CKAP2: variants seen among roughly 807,000 people sequenced by gnomAD.
CKAP2 encodes the protein cytoskeleton associated protein 2, also known as cytoskeleton-associated protein 2.
Under a neutral mutation model 58.4 loss-of-function variants are expected in CKAP2, and 46 were observed. The observed-to-expected ratio is 0.79, with a 90% CI of 0.62 to 1.01. CKAP2 has a LOEUF of 1.01. Among genes scored for constraint, CKAP2 ranks in the 50% least tolerant of loss-of-function variants. The pLI, the probability that CKAP2 is intolerant of heterozygous loss-of-function variation, is 0.00. For missense variants in CKAP2, 809 were observed against 796.4 expected (o/e 1.02, Z -0.19); for synonymous variants, 293 against 280.9 (o/e 1.04, Z -0.43).
At chr13:52,465,245 C>G (rs1280567913) in intron 5 of CKAP2, 50 bp from the exon 6 acceptor site, 3 of 1,504,680 alleles carry the variant, frequency 2.0e-6, no homozygotes, top group South Asian at 1.2e-5. Flanking sequence ...ATTATTGTTC[C>G]CACTTTGTAA....
chr13:52,456,414 A>C (rs987532237), intron 1 of CKAP2, 109 bp from the exon 2 acceptor site: 7 of 886,952 alleles, frequency 7.9e-6, no homozygotes, highest in Non-Finnish European at 8.8e-6. Context: ...ATGTGACCTC[A>C]GGTGGAACCA....
At chr13:52,458,996 C>T (rs908552299) in intron 2 of CKAP2, among the ~76,000 whole-genome samples, 3 of 152,102 alleles carry the variant, frequency 2.0e-5, no homozygotes, top group East Asian at 3.8e-4. Context: ...GTATAGATAT[C>T]CTAAGACTCA....
chr13:52,468,113 A>G (rs1046530734), intron 6 of CKAP2, among the ~76,000 whole-genome samples, 165 bp from the exon 7 acceptor site: 4 of 152,154 alleles, frequency 2.6e-5, no homozygotes, highest in African/African-American at 4.8e-5. Context: ...CCCAGCCAAG[A>G]CAGCCATTTT....
chr13:52,471,846 A>G (rs1352768050), intron 7 of CKAP2, among the ~76,000 whole-genome samples: 1 of 152,220 alleles, frequency 6.6e-6, no homozygotes, highest in Non-Finnish European at 1.5e-5. Context: ...AGACTATAAC[A>G]GTGGTCTTCA....
Position 52,460,982 on chromosome 13 carries a change from GT to G in CKAP2, c.231+9del. 1 of 1,613,412 alleles carries G rather than the reference GT, an allele frequency of 6.2e-7. No individual in the cohort carries two copies. The highest frequency in any genetic ancestry group is 8.5e-7 in the Non-Finnish European group (1 of 1,179,854). On this transcript the variant is annotated intron_variant, in intron 3 of 8. Transcript: ENST00000258607. Reference sequence around the variant, plus strand: ...AAACTTAAAACAAAAATGGTAAGATGTGGACATAGCACTCTTAAACTGTCCC... The same window carrying G: ...AAACTTAAAACAAAAATGGTAAGATGGGACATAGCACTCTTAAACTGTCCC...
chr13:52,462,316 TC>T, intron 4 of CKAP2, 46 bp from the exon 5 acceptor site: 1 of 1,520,398 alleles, frequency 6.6e-7, no homozygotes, highest in South Asian at 1.2e-5. Flanking sequence ...TTGACAGAGT[TC>T]TGTCAGCAAT....
Position 52,474,894 on chromosome 13 carries a change from G to C in CKAP2, c.1803-1G>C. On this transcript the variant is annotated splice_acceptor_variant, in intron 8 of 8. Transcript: ENST00000258607. LOFTEE classifies it high-confidence loss of function. ...CTCTGGAATATTGTTTTAATTTTCA[G>C]TGTGAAAAAAAAGGTGCAGTTTGAT... 6.2e-7 allele frequency: 1 copy of C among 1,606,644 alleles called. No homozygotes were observed. Among genetic ancestry groups the C allele is most frequent in the South Asian group, 1.1e-5 (1 of 90,466 alleles).
chr13:52,465,512 A>T (rs765047738), intron 6 of CKAP2, 47 bp downstream of exon 6: 9 of 1,510,662 alleles, frequency 6.0e-6, no homozygotes, highest in Non-Finnish European at 7.3e-6. Flanking sequence ...GTAGTAGACA[A>T]TTCGGAATTA....
chr13:52,471,775 T>G (rs546021541), intron 7 of CKAP2, among the ~76,000 whole-genome samples: 8 of 152,332 alleles, frequency 5.3e-5, no homozygotes, highest in Admixed American at 5.2e-4. Flanking sequence ...TCTTAAGATC[T>G]ATCTACTTCA....
chr13:52,472,907 G>T (rs1036671178), intron 7 of CKAP2, among the ~76,000 whole-genome samples: 3 of 152,132 alleles, frequency 2.0e-5, no homozygotes, highest in African/African-American at 7.2e-5. Flanking sequence ...GCTGGGTATG[G>T]TGGTACACAC....
chr13:52,462,274 C>G (rs1194777115), intron 4 of CKAP2, 89 bp from the exon 5 acceptor site: 3 of 1,201,966 alleles, frequency 2.5e-6, no homozygotes, highest in Non-Finnish European at 3.5e-6. Context: ...AGTAAGATTA[C>G]TTAAAAATAT....
chr13:52,458,771 C>T (rs545739585), intron 2 of CKAP2, among the ~76,000 whole-genome samples: 2 of 151,850 alleles, frequency 1.3e-5, no homozygotes, highest in East Asian at 3.9e-4. Flanking sequence ...GCAGAAGAAT[C>T]GCTTGAACCT....
In CKAP2 at chr13:52,465,289, T is replaced by G. The variant is rs766222016; in HGVS notation, c.1306-6T>G. Reference sequence around the variant, plus strand: ...ATATTACACACATTTTTTCTTGCTTTTTTAGGGATGTCCAAAAGAAGATAT... The same window carrying G: ...ATATTACACACATTTTTTCTTGCTTGTTTAGGGATGTCCAAAAGAAGATAT... On this transcript the variant is annotated splice_region_variant and splice_polypyrimidine_tract_variant and intron_variant, in intron 5 of 8. Transcript: ENST00000258607. 6.3e-7 allele frequency: 1 copy of G among 1,598,740 alleles called. No homozygotes were observed. Among genetic ancestry groups the G allele is most frequent in the Non-Finnish European group, 8.5e-7 (1 of 1,175,064 alleles).
chr13:52,468,382 CTG>C, intron 7 of CKAP2, 35 bp downstream of exon 7: 1 of 1,304,126 alleles, frequency 7.7e-7, no homozygotes, highest in Non-Finnish European at 1.1e-6. Flanking sequence ...TTCATGTGAA[CTG>C]TAGTTTTTTT....
At chr13:52,466,622 A>G (rs935881434) in intron 6 of CKAP2, among the ~76,000 whole-genome samples, 1 of 152,232 alleles carries the variant, frequency 6.6e-6, no homozygotes, top group Non-Finnish European at 1.5e-5. Flanking sequence ...AGAAAGCAAT[A>G]ATGTAAACAG....
chr13:52,463,042 C>T (rs1958609637), intron 5 of CKAP2, among the ~76,000 whole-genome samples: 1 of 152,096 alleles, frequency 6.6e-6, no homozygotes, highest in African/African-American at 2.4e-5. Context: ...GGTTGAAGCC[C>T]TTCTCCTGCC....
At chr13:52,467,545 TAA>T (rs1278633739) in intron 6 of CKAP2, among the ~76,000 whole-genome samples, 2 of 151,976 alleles carry the variant, frequency 1.3e-5, no homozygotes, top group Non-Finnish European at 2.9e-5. Context: ...CTGCCTCTAC[TAA>T]AAATACAAAA....
rs546052084 is a variant in CKAP2, at chr13:52,472,290, A to T, written c.1547-1539A>T. ...TTTTGCATATGTAAACTCAGTAGAT[A>T]AGGACAGTGTCTGATGTTCCTGACC... On this transcript the variant is annotated intron_variant, in intron 7 of 8. Coordinates refer to ENST00000258607, the MANE Select transcript of CKAP2 (RefSeq NM_018204.5). 3.2e-3 allele frequency among the ~76,000 whole-genome samples: 493 copies of T among 152,334 alleles called. 1 individual carries two copies. Among genetic ancestry groups the T allele is most frequent in the Non-Finnish European group, 5.7e-3 (391 of 68,022 alleles).
chr13:52,469,000 A>G (rs1958721423), intron 7 of CKAP2, among the ~76,000 whole-genome samples: 2 of 152,246 alleles, frequency 1.3e-5, no homozygotes, highest in African/African-American at 4.8e-5. Flanking sequence ...CCAACAATGT[A>G]AACGCATTCC....
Sources: gnomAD v4.1 joint callset for allele counts (sites outside exome capture counted in the v4.1 genomes callset) on GRCh38, gnomAD v4.1.1 for gene constraint, MANE v1.5 for transcripts, NCBI Gene and HGNC (gene_info 2026-07-23, HGNC 2026-07-21) for gene names.